Variants in OSBPL10 observed in about 807,000 individuals in gnomAD.
OSBPL10 encodes the protein oxysterol-binding protein-related protein 10.
OSBPL10 carries 49 observed loss-of-function variants against 81.7 expected under a neutral mutation model. That is an observed-to-expected ratio of 0.60 (90% CI 0.48 to 0.76). The LOEUF (loss-of-function observed/expected upper bound fraction) is 0.76, where lower values mean the gene tolerates loss of function less well. Ranked by LOEUF, OSBPL10 falls within the 30% of genes least tolerant of loss-of-function variation. The pLI, the probability that OSBPL10 is intolerant of heterozygous loss-of-function variation, is 0.00. For synonymous variants in OSBPL10, 419 were observed against 383.6 expected (o/e 1.09, Z -1.08); for missense variants, 923 against 987.8 (o/e 0.93, Z 0.88).
At chr3:31,870,733 AT>A (rs1389278149) in intron 3 of OSBPL10, among the ~76,000 whole-genome samples, 3 of 151,936 alleles carry the variant, frequency 2.0e-5, no homozygotes, top group Non-Finnish European at 4.4e-5. Flanking sequence ...CACACTCTGT[AT>A]TCTAGCTGCT....
intron 3 of OSBPL10, among the ~76,000 whole-genome samples, chr3:31,857,469 G>T (rs976382386): frequency 6.6e-6 from 1 of 151,912 alleles, no homozygotes; most frequent in African/African-American, 2.4e-5. Flanking sequence ...ATCAGTGACT[G>T]CCTGATGGAG....
chr3:32,066,008 AG>A (rs1244575804), intron 1 of OSBPL10, among the ~76,000 whole-genome samples: 1 of 53,840 alleles, frequency 1.9e-5, no homozygotes, highest in African/African-American at 4.2e-5. Context: ...AGAAAGAAAG[AG>A]AAAGAAAGAA....
chr3:31,729,135 G>A (rs1696891066), intron 6 of OSBPL10, among the ~76,000 whole-genome samples: 1 of 152,110 alleles, frequency 6.6e-6, no homozygotes, highest in South Asian at 2.1e-4. Flanking sequence ...TGTGAATTAC[G>A]CCTCAATAAA....
chr3:31,769,574 CATT>C (rs1443551384), intron 4 of OSBPL10, among the ~76,000 whole-genome samples: 8 of 142,270 alleles, frequency 5.6e-5, no homozygotes, highest in South Asian at 2.2e-4. Flanking sequence ...TATTATAACT[CATT>C]ATAAAAATAT....
intron 1 of OSBPL10, among the ~76,000 whole-genome samples, chr3:32,075,990 C>T (rs899334093): frequency 6.6e-6 from 1 of 152,160 alleles, no homozygotes; most frequent in Admixed American, 6.5e-5. Flanking sequence ...TAATTCTCCC[C>T]ATCCTTGAGA....
intron 4 of OSBPL10, among the ~76,000 whole-genome samples, chr3:31,792,074 A>C (rs1699024436): frequency 6.6e-6 from 1 of 152,000 alleles, no homozygotes; most frequent in Non-Finnish European, 1.5e-5. Context: ...AGCAAGACAA[A>C]AAAAATTAGC....
In OSBPL10 at chr3:31,685,250, T is replaced by C. The variant is rs558886627; in HGVS notation, c.1246-1136A>G. On this transcript the variant is annotated intron_variant, in intron 7 of 11. Transcript: ENST00000396556. The stretch of plus-strand genomic sequence containing the variant: ...CAGAGTCACCTTCTGTCACCCAGGC[T>C]GGAGTGCGGTGGCACAATCTCAGCT... Among the ~76,000 whole-genome samples, 194 of 152,334 alleles carry C rather than the reference T, an allele frequency of 1.3e-3. No individual in the cohort carries two copies. The Middle Eastern group carries it at 0.017, about 13-fold the overall frequency.
chr3:31,896,027 T>C (rs1009109994), intron 1 of OSBPL10, among the ~76,000 whole-genome samples: 2 of 152,234 alleles, frequency 1.3e-5, no homozygotes, highest in Non-Finnish European at 2.9e-5. Context: ...CTAGAAATTA[T>C]GCCTAGTATA....
At chr3:31,833,930 T>G (rs530334382) in intron 3 of OSBPL10, among the ~76,000 whole-genome samples, 2 of 152,208 alleles carry the variant, frequency 1.3e-5, no homozygotes, top group South Asian at 4.1e-4. Context: ...TGGCTGTCAT[T>G]TGAATTTACA....
rs556470474 is a variant in OSBPL10, at chr3:31,911,452, G to A, written c.282-31622C>T. ...TCTCAGAAATCTCCAGATACCCTCA[G>A]GGGAATGGCGAAACACCACTAAGCT... On this transcript the variant is annotated intron_variant, in intron 1 of 11. Transcript: ENST00000396556. 1.2e-3 allele frequency among the ~76,000 whole-genome samples: 178 copies of A among 152,192 alleles called. 1 individual carries two copies. The Middle Eastern group carries it at 0.014, about 12-fold the overall frequency.
At chr3:32,067,117 C>T (rs1041317547) in intron 1 of OSBPL10, among the ~76,000 whole-genome samples, 3 of 152,032 alleles carry the variant, frequency 2.0e-5, no homozygotes, top group African/African-American at 4.8e-5. Context: ...GACTGTTCTT[C>T]TATAACCAAT....
At chr3:31,667,066 A>C (rs1013445963) in intron 10 of OSBPL10, among the ~76,000 whole-genome samples, 1 of 152,240 alleles carries the variant, frequency 6.6e-6, no homozygotes, top group Non-Finnish European at 1.5e-5. Flanking sequence ...AAGAGTCTTA[A>C]TAAGGAGTAG....
chr3:31,733,699 T>G (rs1287784657), intron 5 of OSBPL10, among the ~76,000 whole-genome samples: 4 of 150,068 alleles, frequency 2.7e-5, no homozygotes, highest in East Asian at 2.0e-4. Flanking sequence ...TTTTTTTTTT[T>G]TTTTTTTTTT....
At chr3:31,727,008 A>T (rs908882581) in intron 6 of OSBPL10, among the ~76,000 whole-genome samples, 1 of 151,750 alleles carries the variant, frequency 6.6e-6, no homozygotes, top group Non-Finnish European at 1.5e-5. Context: ...GCTAATTTTT[A>T]TATTTTTTTG....
chr3:31,981,111 ACGGCTGCTGCTG>A lies in OSBPL10; in HGVS notation c.57_68del (p.Ser20_Arg23del), dbSNP rs549917934. 45 of 1,492,796 alleles carry A rather than the reference ACGGCTGCTGCTG, an allele frequency of 3.0e-5. No homozygotes were observed. The East Asian group carries it at 1.1e-3, about 37-fold the overall frequency. The allele number at this position is 1,492,796 out of a possible 1,614,324, so 92.5% of individuals were successfully genotyped here. The stretch of plus-strand genomic sequence containing the variant: ...AGGGCGAGGAGCCCGCCGAGGTAGC[ACGGCTGCTGCTG>A]CGGCTGCTGCTGTTGCTACCCCCGC... On this transcript the variant is annotated inframe_deletion, in exon 1 of 12. Coordinates refer to ENST00000396556, the MANE Select transcript of OSBPL10 (RefSeq NM_017784.5). This position sits in a 1 kb window ranked among gnomAD's most constrained non-coding sequence, Gnocchi z 4.5.
intron 11 of OSBPL10, 115 bp from the exon 12 acceptor site, chr3:31,662,231 A>C: frequency 6.5e-7 from 1 of 1,548,994 alleles, no homozygotes; most frequent in Non-Finnish European, 8.7e-7. Flanking sequence ...CCTCACACGC[A>C]GGCCAGGCTG....
intron 1 of OSBPL10, among the ~76,000 whole-genome samples, chr3:31,919,969 G>A (rs935341769): frequency 6.6e-5 from 10 of 152,210 alleles, no homozygotes; most frequent in African/African-American, 2.4e-4. Flanking sequence ...ATTCCAAAGA[G>A]AAGTCCAACT....
chr3:31,712,299 G>C (rs780062702), intron 6 of OSBPL10, among the ~76,000 whole-genome samples: 3 of 152,134 alleles, frequency 2.0e-5, no homozygotes, highest in Non-Finnish European at 4.4e-5. Flanking sequence ...TTAGCTATCC[G>C]AGGTGGGCAG....
intron 4 of OSBPL10, among the ~76,000 whole-genome samples, chr3:31,762,767 C>T (rs1184739474): frequency 6.6e-6 from 1 of 151,548 alleles, no homozygotes; most frequent in Non-Finnish European, 1.5e-5. Flanking sequence ...CTGCACCCAG[C>T]TCCTGATTAC....
Sources: allele counts gnomAD v4.1 joint callset (sites outside exome capture counted in the v4.1 genomes callset), GRCh38; gene constraint gnomAD v4.1.1; non-coding constraint Gnocchi (gnomAD v3.1); transcripts MANE v1.5; gene names NCBI Gene and HGNC (gene_info 2026-07-23, HGNC 2026-07-21).